Variants in PEPD observed in about 807,000 individuals in gnomAD.
The protein encoded by PEPD is peptidase D.
Under a neutral mutation model 60.7 loss-of-function variants are expected in PEPD, and 53 were observed. That is an observed-to-expected ratio of 0.87 (90% CI 0.70 to 1.10). The LOEUF is 1.10. Ranked by LOEUF, PEPD falls within the 50% of genes least tolerant of loss-of-function variation. The pLI is 0.00. For missense variants in PEPD, 711 were observed against 711.9 expected, an observed-to-expected ratio of 1.00 and a Z score of 0.01; for synonymous variants, 267 against 284.1, an observed-to-expected ratio of 0.94 and a Z score of 0.60.
Position 33,388,420 on chromosome 19 carries a change from T to C in PEPD, c.1153-339A>G, listed in dbSNP as rs1668006783. ...TGGGCTGCCCTTAGCCAGGCCCCGCTGCTGGCCAGAGGAGTGGCAGATGCC... is the reference window on the plus strand; with the variant it reads ...TGGGCTGCCCTTAGCCAGGCCCCGCCGCTGGCCAGAGGAGTGGCAGATGCC... On this transcript the variant is annotated intron_variant, in intron 13 of 14. Transcript: ENST00000244137. 14 of 509,808 alleles carry C rather than the reference T, an allele frequency of 2.7e-5. No individual in the cohort carries two copies. In the South Asian group the frequency reaches 3.0e-4, roughly 11 times the overall value. The allele number at this position is 509,808 out of a possible 1,614,324, so 31.6% of individuals were successfully genotyped here.
intron 9 of PEPD, among the ~76,000 whole-genome samples, chr19:33,450,390 G>A (rs531111084): frequency 2.0e-4 from 30 of 152,342 alleles, no homozygotes; most frequent in Middle Eastern, 6.8e-3. Context: ...AGTCCTATAA[G>A]CATCCAGGGC....
chr19:33,514,961 C>T (rs1046216495), intron 1 of PEPD, among the ~76,000 whole-genome samples: 5 of 152,114 alleles, frequency 3.3e-5, no homozygotes, highest in African/African-American at 9.6e-5. Flanking sequence ...AAACTCCTAA[C>T]GTGGGGCCAG....
intron 9 of PEPD, among the ~76,000 whole-genome samples, chr19:33,417,238 G>A (rs938680952): frequency 2.8e-4 from 43 of 152,238 alleles, no homozygotes; most frequent in African/African-American, 1.0e-3. Flanking sequence ...CCCTTTCCCC[G>A]GCTGGGCCTC....
intron 1 of PEPD, among the ~76,000 whole-genome samples, chr19:33,521,038 G>C (rs1433476410): frequency 6.6e-6 from 1 of 152,102 alleles, no homozygotes. Context: ...TCCCTATCTG[G>C]GAGATTCCGC....
intron 9 of PEPD, among the ~76,000 whole-genome samples, chr19:33,453,302 A>C (rs1969730676): frequency 6.6e-6 from 1 of 151,356 alleles, no homozygotes; most frequent in African/African-American, 2.4e-5. Flanking sequence ...CAGTAGAGCA[A>C]AACACTGTCA....
At chr19:33,420,404 T>A (rs1472524680) in intron 9 of PEPD, among the ~76,000 whole-genome samples, 1 of 152,202 alleles carries the variant, frequency 6.6e-6, no homozygotes, top group Admixed American at 6.5e-5. Flanking sequence ...ATAATTATTT[T>A]AAAAATAATT....
chr19:33,467,050 G>A (rs1184513561), intron 7 of PEPD, among the ~76,000 whole-genome samples: 2 of 151,670 alleles, frequency 1.3e-5, no homozygotes, highest in African/African-American at 4.8e-5. Context: ...CCAGCTACTC[G>A]GGAGGCTGAG....
chr19:33,396,520 C>T lies in PEPD; in HGVS notation c.968-5041G>A, dbSNP rs888928457. On this transcript the variant is annotated intron_variant, in intron 12 of 14. Transcript: ENST00000244137. Reference sequence around the variant, plus strand: ...ACATTGGCAGCACCCCCGTCACTCACAAGTGGCCAGGACCCTGAGGGCAGG... The same window carrying T: ...ACATTGGCAGCACCCCCGTCACTCATAAGTGGCCAGGACCCTGAGGGCAGG... 3.2e-4 allele frequency among the ~76,000 whole-genome samples: 49 copies of T among 152,192 alleles called. 1 individual carries two copies. Among genetic ancestry groups the T allele is most frequent in the African/African-American group, 1.1e-3 (46 of 41,452 alleles).
chr19:33,520,309 C>T (rs1482811510), intron 1 of PEPD, among the ~76,000 whole-genome samples: 1 of 152,222 alleles, frequency 6.6e-6, no homozygotes, highest in Non-Finnish European at 1.5e-5. Context: ...AAAAGGGTCA[C>T]AGGCTGGATT....
At chr19:33,477,512 C>T (rs7255303) in intron 7 of PEPD, among the ~76,000 whole-genome samples, 18 of 151,998 alleles carry the variant, frequency 1.2e-4, no homozygotes, top group Non-Finnish European at 1.2e-4. Flanking sequence ...CACTGGGATG[C>T]GAGGGCCACC....
rs35352427 is a variant in PEPD, at chr19:33,472,161, C to CA, written c.548+5884dup. Among the ~76,000 whole-genome samples the CA allele has an allele frequency of 6.7e-3, 854 of 126,736 alleles. 6 individuals are homozygous for CA. Among genetic ancestry groups the CA allele is most frequent in the Middle Eastern group, 0.025 (6 of 242 alleles). The allele number at this position is 126,736 out of a possible 152,430, so 83.1% of individuals were successfully genotyped here. ...GGGCAACAAGAACAAAACTCCATCT[C>CA]AAAAAAAAAAAAAAAAATCAGCTAG... is the stretch of plus-strand genomic sequence containing the variant. On this transcript the variant is annotated intron_variant, in intron 7 of 14. Coordinates refer to ENST00000244137, the MANE Select transcript of PEPD (RefSeq NM_000285.4).
chr19:33,431,750 T>C (rs1969278384), intron 9 of PEPD, among the ~76,000 whole-genome samples: 2 of 151,910 alleles, frequency 1.3e-5, no homozygotes, highest in Non-Finnish European at 2.9e-5. Context: ...CCCAGCACTT[T>C]AGGAGGCTGA....
intron 8 of PEPD, 91 bp downstream of exon 8, chr19:33,463,896 G>T: frequency 1.2e-6 from 1 of 834,822 alleles, no homozygotes; most frequent in Non-Finnish European, 2.0e-6. Context: ...AGGGATTAGA[G>T]CCCACCTGGA....
intron 3 of PEPD, among the ~76,000 whole-genome samples, chr19:33,505,119 C>A (rs1170844178): frequency 2.0e-5 from 3 of 152,194 alleles, no homozygotes; most frequent in African/African-American, 7.2e-5. Flanking sequence ...AAAAGCAGGT[C>A]TTGCTGGCTG....
intron 9 of PEPD, among the ~76,000 whole-genome samples, chr19:33,445,937 G>A (rs1354461894): frequency 6.6e-6 from 1 of 152,146 alleles, no homozygotes; most frequent in African/African-American, 2.4e-5. Flanking sequence ...ATTCCCCGTG[G>A]CAGAAGAGAG....
intron 9 of PEPD, among the ~76,000 whole-genome samples, chr19:33,445,092 C>G (rs1316968412): frequency 6.6e-6 from 1 of 152,126 alleles, no homozygotes; most frequent in Non-Finnish European, 1.5e-5. Context: ...GGATGGATTA[C>G]TCAGCCTCCT....
At chr19:33,481,467 G>T (rs1048627538) in intron 6 of PEPD, among the ~76,000 whole-genome samples, 1 of 152,144 alleles carries the variant, frequency 6.6e-6, no homozygotes, top group Non-Finnish European at 1.5e-5. Flanking sequence ...TCAGGAGGCT[G>T]AGGCAGGAGA....
intron 9 of PEPD, among the ~76,000 whole-genome samples, chr19:33,440,190 A>G (rs1969456608): frequency 6.6e-6 from 1 of 152,084 alleles, no homozygotes; most frequent in Non-Finnish European, 1.5e-5. Context: ...CCCCAGGCAC[A>G]AGGGGTCTGG....
chr19:33,475,791 A>G (rs1274811252), intron 7 of PEPD, among the ~76,000 whole-genome samples: 3 of 152,184 alleles, frequency 2.0e-5, no homozygotes, highest in Non-Finnish European at 4.4e-5. Flanking sequence ...GGGGCTACAG[A>G]TAGGACAGGC....
Sources: gnomAD v4.1 joint callset for allele counts (sites outside exome capture counted in the v4.1 genomes callset) on GRCh38, gnomAD v4.1.1 for gene constraint, MANE v1.5 for transcripts, NCBI Gene and HGNC (gene_info 2026-07-23, HGNC 2026-07-21) for gene names.